PIK3R6: variants seen among roughly 807,000 people sequenced by gnomAD.
PIK3R6 encodes the protein phosphoinositide-3-kinase regulatory subunit 6, also known as phosphoinositide 3-kinase regulatory subunit 6.
Under a neutral mutation model 84.9 loss-of-function variants are expected in PIK3R6, and 91 were observed. The observed-to-expected ratio is 1.07, with a 90% CI of 0.90 to 1.28. PIK3R6 has a LOEUF of 1.28. Among genes scored for constraint, PIK3R6 ranks in the 50% most tolerant of loss-of-function variants. PIK3R6 has a pLI of 0.00. For synonymous variants in PIK3R6, 416 were observed against 411.4 expected, an observed-to-expected ratio of 1.01 and a Z score of -0.13; for missense variants, 996 against 985.1, an observed-to-expected ratio of 1.01 and a Z score of -0.15.
intron 18 of PIK3R6, among the ~76,000 whole-genome samples, chr17:8,813,171 A>G (rs980512219): frequency 4.6e-5 from 7 of 152,184 alleles, no homozygotes; most frequent in Non-Finnish European, 2.9e-5. Flanking sequence ...TTTATCTAGG[A>G]ACATACAACT....
intron 8 of PIK3R6, among the ~76,000 whole-genome samples, chr17:8,834,505 T>C (rs987301935): frequency 6.6e-6 from 1 of 151,778 alleles, no homozygotes. Context: ...GATCCTCTTG[T>C]CTTCCGAGTA....
At chr17:8,813,222 C>G (rs1250676639) in intron 18 of PIK3R6, among the ~76,000 whole-genome samples, 2 of 151,726 alleles carry the variant, frequency 1.3e-5, no homozygotes, top group Non-Finnish European at 2.9e-5. Flanking sequence ...CTTGAACACA[C>G]CAATAATGAG....
chr17:8,844,121 A>G lies in PIK3R6; in HGVS notation c.14-4424T>C, dbSNP rs568355392. On this transcript the variant is annotated intron_variant, in intron 2 of 19. Coordinates refer to ENST00000619866, the MANE Select transcript of PIK3R6 (RefSeq NM_001010855.4). This position sits in a 1 kb window ranked among gnomAD's most constrained non-coding sequence, Gnocchi z 4.5. Reference sequence around the variant, plus strand: ...AAAGGTCAGATGAAGGCCGCTAAGCACTGAGCCCTGTGCCTCTGATGCCAC... The same window carrying G: ...AAAGGTCAGATGAAGGCCGCTAAGCGCTGAGCCCTGTGCCTCTGATGCCAC... Among the ~76,000 whole-genome samples the G allele has an allele frequency of 1.3e-5, 2 of 152,326 alleles. No individual in the cohort carries two copies. Among genetic ancestry groups the G allele is most frequent in the Admixed American group, 6.5e-5 (1 of 15,300 alleles).
At position 8,803,060 on chromosome 17, in the gene PIK3R6, G is replaced by T; in HGVS notation, c.*213C>A. On this transcript the variant is annotated 3_prime_UTR_variant, in exon 20 of 20. Coordinates refer to ENST00000619866, the MANE Select transcript of PIK3R6 (RefSeq NM_001010855.4). This position sits in a 1 kb window ranked among gnomAD's most constrained non-coding sequence, Gnocchi z 5.0. ...CTTGGTGTGTATGTTCTCAAGCAGC[G>T]ACAGCATTGCCTGGGCCATCCGTAG... 2 of 575,014 alleles carry T rather than the reference G, an allele frequency of 3.5e-6. No individual in the cohort carries two copies. The highest frequency in any genetic ancestry group is 6.1e-6 in the Non-Finnish European group (2 of 326,760). 35.6% of individuals were successfully genotyped at this position (575,014 alleles called of 1,614,324 possible).
At position 8,849,950 on chromosome 17, in the gene PIK3R6, T is replaced by C. The variant is rs893632424; in HGVS notation, c.-91-65A>G. The C allele has an allele frequency of 5.2e-6, 5 of 969,142 alleles. No individual in the cohort carries two copies. In the African/African-American group the frequency reaches 8.2e-5, roughly 16 times the overall value. The allele number at this position is 969,142 out of a possible 1,614,324, so 60.0% of individuals were successfully genotyped here. A position where few individuals can be genotyped will look rare whatever the true frequency, so the allele number is the denominator to read the frequency against. On this transcript the variant is annotated intron_variant, in intron 1 of 19. Coordinates refer to ENST00000619866, the MANE Select transcript of PIK3R6 (RefSeq NM_001010855.4). ...AAGGTGCAGAAAGCACCTTGGGAAA[T>C]GGAGAAGCTCCTAAGGGACCTAGGC...
chr17:8,866,864 A>G (rs796528384), intron 1 of PIK3R6, among the ~76,000 whole-genome samples: 11 of 152,162 alleles, frequency 7.2e-5, no homozygotes, highest in African/African-American at 2.7e-4. Context: ...CCTCTTTGCA[A>G]GCAGTCAGCC....
chr17:8,866,404 T>C lies in PIK3R6; in HGVS notation c.-92+1125A>G, dbSNP rs182188304. ...AAAAATACAAAAAATTAGCCAGGCG[T>C]GGTGGTGTGTGCCTGTAGTCCCAGC... is the stretch of plus-strand genomic sequence containing the variant. On this transcript the variant is annotated intron_variant, in intron 1 of 19. Transcript: ENST00000619866. Among the ~76,000 whole-genome samples the C allele has an allele frequency of 1.7e-3, 260 of 152,070 alleles. 4 individuals are homozygous for C. Among genetic ancestry groups the C allele is most frequent in the Admixed American group, 0.017 (258 of 15,280 alleles).
chr17:8,841,946 T>C (rs1327639036), intron 2 of PIK3R6, among the ~76,000 whole-genome samples: 8 of 152,210 alleles, frequency 5.3e-5, no homozygotes, highest in Non-Finnish European at 4.4e-5. Context: ...GGATGCTTCA[T>C]GAATGCCATC....
Position 8,803,291 on chromosome 17 carries a change from G to T in PIK3R6, c.2247C>A (p.Phe749Leu). 6.2e-7 allele frequency: 1 copy of T among 1,612,752 alleles called. No homozygotes were observed. Among genetic ancestry groups the T allele is most frequent in the Middle Eastern group, 2.0e-4 (1 of 5,038 alleles). Residue 749 changes from phenylalanine (F) to leucine (L), a missense_variant, in exon 20 of 20, where the codon TTC becomes TTA. By Grantham distance (22) the Phe-to-Leu change is conservative. Coordinates refer to ENST00000619866, the MANE Select transcript of PIK3R6 (RefSeq NM_001010855.4). The surrounding 1 kb of genome is among the most constrained non-coding windows in gnomAD (Gnocchi z 5.0). The part of the protein sequence containing the change: ...PKPLLMPINT[F>L]SGIVQ ...TGCAGGCTCACTGGACAATACCAGA[G>T]AATGTGTTGATGGGCATCAGAAGGG...
rs894127733 is a variant in PIK3R6, at chr17:8,844,790, CACTA to C, written c.13+4988_13+4991del. Among the ~76,000 whole-genome samples, 13 of 152,082 alleles carry C rather than the reference CACTA, an allele frequency of 8.5e-5. No homozygotes were observed. Among genetic ancestry groups the C allele is most frequent in the Admixed American group, 2.6e-4 (4 of 15,272 alleles). ...CTCATATGAGTAGTACTAGTACCCA[CACTA>C]ACTAGTTTTTCAACTCTTGCCCCTT... On this transcript the variant is annotated intron_variant, in intron 2 of 19. Transcript: ENST00000619866. This position sits in a 1 kb window ranked among gnomAD's most constrained non-coding sequence, Gnocchi z 4.5.
chr17:8,864,002 G>T lies in PIK3R6; in HGVS notation c.-92+3527C>A, dbSNP rs7220229. Among the ~76,000 whole-genome samples the T allele has an allele frequency of 9.4e-3, 1,436 of 152,298 alleles. 28 individuals carry two copies. The highest frequency in any genetic ancestry group is 0.033 in the African/African-American group (1,365 of 41,558). On this transcript the variant is annotated intron_variant, in intron 1 of 19. Coordinates refer to ENST00000619866, the MANE Select transcript of PIK3R6 (RefSeq NM_001010855.4). ...GTGCCCAGTGTTTTTAAGGGACAGC[G>T]TTTGGGGTGCAATGAGTGGGGGACA...
Position 8,803,355 on chromosome 17 carries a change from C to T in PIK3R6, c.2183G>A (p.Gly728Glu), listed in dbSNP as rs755025365. The change falls in exon 20 of 20, where the codon GGG becomes GAG. Residue 728 changes from glycine (G) to glutamate (E), a missense_variant. Coordinates refer to ENST00000619866, the MANE Select transcript of PIK3R6 (RefSeq NM_001010855.4). This position sits in a 1 kb window ranked among gnomAD's most constrained non-coding sequence, Gnocchi z 5.0. ...TTTGATTGCTTCCACCTCCTGTTGCCCATGCAAATTGAGCCACGGTGCCTT... is the reference window on the plus strand; with the variant it reads ...TTTGATTGCTTCCACCTCCTGTTGCTCATGCAAATTGAGCCACGGTGCCTT... ...KSKAPWLNLH[G>E]QQEVEAIKAK... The T allele has an allele frequency of 1.2e-6, 2 of 1,613,594 alleles. No individual in the cohort carries two copies. The highest frequency in any genetic ancestry group is 2.2e-5 in the South Asian group (2 of 91,050).
At position 8,804,156 on chromosome 17, in the gene PIK3R6, G is replaced by GCAA; in HGVS notation, c.1996-4_1996-3insTTG. ...GTCCTGAAGGTGTTGGTCACTGTCTGCAGCACAGAGATCGCACGTGTGAGT... is the reference window on the plus strand; with the variant it reads ...GTCCTGAAGGTGTTGGTCACTGTCTGCAACAGCACAGAGATCGCACGTGTGAGT... On this transcript the variant is annotated splice_region_variant and splice_polypyrimidine_tract_variant and intron_variant, in intron 18 of 19. Transcript: ENST00000619866. 1 of 1,610,092 alleles carries GCAA rather than the reference G, an allele frequency of 6.2e-7. No individual in the cohort carries two copies. The highest frequency in any genetic ancestry group is 8.5e-7 in the Non-Finnish European group (1 of 1,176,382).
At chr17:8,841,067 A>T (rs1385893741) in intron 2 of PIK3R6, among the ~76,000 whole-genome samples, 2 of 152,056 alleles carry the variant, frequency 1.3e-5, no homozygotes, top group Non-Finnish European at 2.9e-5. Context: ...CATTATTTTT[A>T]GTAGTTCCTG....
At position 8,851,445 on chromosome 17, in the gene PIK3R6, C is replaced by T. The variant is rs368213535; in HGVS notation, c.-91-1560G>A. 2.4e-3 allele frequency among the ~76,000 whole-genome samples: 360 copies of T among 152,156 alleles called. 5 individuals carry two copies. The South Asian group carries it at 0.037, about 16-fold the overall frequency. On this transcript the variant is annotated intron_variant, in intron 1 of 19. Transcript: ENST00000619866. The stretch of plus-strand genomic sequence containing the variant: ...CCGGGAGGCGGAGCTTGCAGTGAGC[C>T]GAGATCGCGCCACTGCACTCCAGCC...
rs189806313 is a variant in PIK3R6 at position 8,819,130 on chromosome 17, C to T, written c.1948G>A (p.Val650Met). The T allele has an allele frequency of 1.4e-3, 2,261 of 1,609,900 alleles. 2 individuals carry two copies. Among genetic ancestry groups the T allele is most frequent in the Middle Eastern group, 7.3e-3 (41 of 5,618 alleles). ...TTGGAGGACTTGACAACCTCTGTCA[C>T]GTTGACATTCAGACATGTGTGGTCT... is the stretch of plus-strand genomic sequence containing the variant. ...VTDHTCLNVN[V>M]TEVVKSSNLA... The change falls in exon 18 of 20, where the codon GTG becomes ATG. Residue 650 changes from valine (V) to methionine (M), a missense_variant. Val to Met is a conservative substitution (Grantham distance 21). Coordinates refer to ENST00000619866, the MANE Select transcript of PIK3R6 (RefSeq NM_001010855.4).
At position 8,836,584 on chromosome 17, in the gene PIK3R6, G is replaced by A. The variant is rs201157185; in HGVS notation, c.424C>T (p.Gln142Ter). The A allele has an allele frequency of 7.6e-5, 123 of 1,613,882 alleles. No homozygotes were observed. Among genetic ancestry groups the A allele is most frequent in the Non-Finnish European group, 9.2e-5 (108 of 1,179,906 alleles). Residue 142 changes from glutamine to a stop codon, truncating the protein, a stop_gained, in exon 7 of 20, where the codon CAG (glutamine) becomes TAG (stop). Coordinates refer to ENST00000619866, the MANE Select transcript of PIK3R6 (RefSeq NM_001010855.4). LOFTEE classifies it high-confidence loss of function. ...GGATACAGCTCATTCGTCAAGTTCT[G>A]TTCGGCAATGACCATCCTTTGGTAC... ...TLYQRMVIAE[Q>*]NLTNELYPYQ...
intron 18 of PIK3R6, among the ~76,000 whole-genome samples, chr17:8,817,719 A>G (rs1048867984): frequency 6.6e-6 from 1 of 152,192 alleles, no homozygotes; most frequent in Admixed American, 6.6e-5. Flanking sequence ...AATAGTGACC[A>G]CTGGTTTTGG....
Position 8,828,723 on chromosome 17 carries a change from C to A in PIK3R6, c.1157G>T (p.Ser386Ile). ...AWPLDFLMPG[S>I]WDGPPGLHRR... ...GTGCAGCCCTGGGGGCCCGTCCCAG[C>A]TGCCAGGCATCAAGAAGTCCAGGGG... The change falls in exon 11 of 20, where the codon AGC becomes ATC. Residue 386 changes from serine (S) to isoleucine (I), a missense_variant. Ser to Ile is a moderately radical substitution (Grantham distance 142). Coordinates refer to ENST00000619866, the MANE Select transcript of PIK3R6 (RefSeq NM_001010855.4). 1.2e-6 allele frequency: 2 copies of A among 1,609,264 alleles called. No homozygotes were observed. Among genetic ancestry groups the A allele is most frequent in the Admixed American group, 1.7e-5 (1 of 59,470 alleles).
Sources: allele counts gnomAD v4.1 joint callset (sites outside exome capture counted in the v4.1 genomes callset), GRCh38; gene constraint gnomAD v4.1.1; non-coding constraint Gnocchi (gnomAD v3.1); transcripts MANE v1.5; gene names NCBI Gene and HGNC (gene_info 2026-07-23, HGNC 2026-07-21).